NCBP1: variants seen among roughly 807,000 people sequenced by gnomAD.
The protein encoded by NCBP1 is nuclear cap-binding protein subunit 1.
In NCBP1, 16 loss-of-function variants were observed where a neutral mutation model predicts 111.7. The observed-to-expected ratio is 0.14, with a 90% confidence interval of 0.10 to 0.22. The LOEUF is 0.22. NCBP1 is among the 10% of genes least tolerant of loss of function. The pLI is 1.00. For synonymous variants in NCBP1, 304 were observed against 314.3 expected (o/e 0.97, Z 0.35); for missense variants, 607 against 957.5 (o/e 0.63, Z 4.83).
chr9:97,639,811 A>T (rs1827153576), intron 1 of NCBP1, among the ~76,000 whole-genome samples: 1 of 152,192 alleles, frequency 6.6e-6, no homozygotes, highest in Admixed American at 6.6e-5. Context: ...GTGGTAAGAG[A>T]TACAAACAGC....
At position 97,666,788 on chromosome 9, in the gene NCBP1, T is replaced by A; in HGVS notation, c.1927T>A (p.Ser643Thr). 1 of 1,605,230 alleles carries A rather than the reference T, an allele frequency of 6.2e-7. No individual in the cohort carries two copies. Among genetic ancestry groups the A allele is most frequent in the Non-Finnish European group, 8.5e-7 (1 of 1,177,184 alleles). Residue 643 changes from serine (S) to threonine (T), a missense_variant, in exon 20 of 23, where the codon TCT (serine) becomes ACT (threonine). Physicochemically the swap from Ser to Thr is moderately conservative, Grantham distance 58 (BLOSUM62 1). Around this residue, in one of 9 missense-constraint regions of NCBP1, gnomAD observed 282 missense variants for 376.5 expected, o/e 0.75. Transcript: ENST00000375147. ...ATTGTTTGTTTGGGAAATTTTGCACTCTACAATTCGTAAGATGAACAAACA... is the reference window on the plus strand; with the variant it reads ...ATTGTTTGTTTGGGAAATTTTGCACACTACAATTCGTAAGATGAACAAACA... ...TRLFVWEILH[S>T]TIRKMNKHVL...
chr9:97,669,964 C>G (rs1828134207), intron 22 of NCBP1: 6 of 498,504 alleles, frequency 1.2e-5, no homozygotes, highest in South Asian at 1.2e-4. Context: ...ACTCTGTTGC[C>G]CAGGCTGGAG....
At chr9:97,636,746 A>G (rs535123229) in intron 1 of NCBP1, among the ~76,000 whole-genome samples, 23 of 150,784 alleles carry the variant, frequency 1.5e-4, no homozygotes, top group Non-Finnish European at 2.8e-4. Context: ...GCAGTGGACA[A>G]TATAAAGATA....
chr9:97,666,908 AAGAAAATATACC>A, intron 20 of NCBP1, 31 bp downstream of exon 20: 1 of 1,408,822 alleles, frequency 7.1e-7, no homozygotes, highest in Non-Finnish European at 9.8e-7. Context: ...TAAGTAGTTA[AAGAAAATATACC>A]AGAAACTCTG....
chr9:97,633,927 C>A lies in NCBP1; in HGVS notation c.34+12C>A. On this transcript the variant is annotated intron_variant, in intron 1 of 22. Coordinates refer to ENST00000375147, the MANE Select transcript of NCBP1 (RefSeq NM_002486.5). ...CGACGAGAACGACGGTGAGTGCCTG[C>A]GGCCCGGCCACGGAGGCCGCTCCCG... 1 of 1,582,528 alleles carries A rather than the reference C, an allele frequency of 6.3e-7. No individual in the cohort carries two copies. The highest frequency in any genetic ancestry group is 1.8e-5 in the Admixed American group (1 of 57,068).
At chr9:97,636,509 TTATAAATTTATATTTATATATTA>T (rs1446029103) in intron 1 of NCBP1, among the ~76,000 whole-genome samples, 1 of 30,746 alleles carries the variant, frequency 3.3e-5, no homozygotes, top group African/African-American at 6.9e-5. Flanking sequence ...TATTTATATA[TTATAAATTTATATTTATATATTA>T]TATAAGTTTG....
intron 10 of NCBP1, among the ~76,000 whole-genome samples, chr9:97,653,069 G>A (rs563884993): frequency 2.6e-4 from 40 of 151,656 alleles, no homozygotes; most frequent in African/African-American, 9.7e-4. Context: ...AAGTAACAGT[G>A]TGGAATGACT....
chr9:97,645,327 C>A (rs1487753769), intron 5 of NCBP1, 103 bp downstream of exon 5: 2 of 923,816 alleles, frequency 2.2e-6, no homozygotes, highest in Admixed American at 2.3e-5. Context: ...AACCCATTAG[C>A]AATAAAGAAA....
chr9:97,637,433 A>G (rs747376126), intron 1 of NCBP1, among the ~76,000 whole-genome samples: 14 of 152,242 alleles, frequency 9.2e-5, no homozygotes, highest in Non-Finnish European at 1.6e-4. Flanking sequence ...AGCTAGAAAC[A>G]ATACGAATAC....
In NCBP1 at chr9:97,662,234, A is replaced by C. The variant is rs1237452713; in HGVS notation, c.1703+90A>C. Reference sequence around the variant, plus strand: ...GGTAATTTTTACCTAAGATTGTTGAATATGAAGATCTTAATAGTGTATAAT... The same window carrying C: ...GGTAATTTTTACCTAAGATTGTTGACTATGAAGATCTTAATAGTGTATAAT... On this transcript the variant is annotated intron_variant, in intron 17 of 22. Transcript: ENST00000375147. The C allele has an allele frequency of 3.1e-6, 3 of 966,548 alleles. No individual in the cohort carries two copies. In the East Asian group the frequency reaches 7.4e-5, roughly 24 times the overall value. 59.9% of individuals were successfully genotyped at this position (966,548 alleles called of 1,614,324 possible). A position where few individuals can be genotyped will look rare whatever the true frequency, so the allele number is the denominator to read the frequency against.
At chr9:97,670,358 A>C (rs1828152337) in intron 22 of NCBP1, among the ~76,000 whole-genome samples, 1 of 152,234 alleles carries the variant, frequency 6.6e-6, no homozygotes, top group Non-Finnish European at 1.5e-5. Context: ...AACTGTCCAC[A>C]GAATCAAGGT....
chr9:97,645,351 A>G, intron 5 of NCBP1, 127 bp downstream of exon 5: 1 of 790,870 alleles, frequency 1.3e-6, no homozygotes, highest in East Asian at 2.6e-5. Flanking sequence ...ATAACAGCAG[A>G]CTATCACACT....
At chr9:97,661,190 C>T in intron 16 of NCBP1, 122 bp downstream of exon 16, 2 of 1,222,836 alleles carry the variant, frequency 1.6e-6, no homozygotes, top group South Asian at 3.2e-5. Context: ...CCTGTTCAGA[C>T]TGTTGTTCTT....
intron 8 of NCBP1, 31 bp downstream of exon 8, chr9:97,648,254 G>A: frequency 1.3e-6 from 2 of 1,591,972 alleles, no homozygotes; most frequent in Non-Finnish European, 8.6e-7. Flanking sequence ...CCTAGATATT[G>A]ACCTGTGTTG....
Position 97,648,060 on chromosome 9 carries a change from A to G in NCBP1, c.734A>G (p.Gln245Arg), listed in dbSNP as rs547285420. ...QIQKLKKDRW[Q>R]ERHILRPYLA... ...CAGAAATTGAAAAAGGATCGCTGGC[A>G]GGAACGGCACATCCTAAGACCTTAT... The change falls in exon 8 of 23, where the codon CAG becomes CGG. Residue 245 changes from glutamine to arginine, a missense_variant. This residue lies in a region of NCBP1 where 53 missense variants were observed against 144.8 expected (regional missense o/e 0.37). Transcript: ENST00000375147. 1 of 1,614,226 alleles carries G rather than the reference A, an allele frequency of 6.2e-7. No individual in the cohort carries two copies. Among genetic ancestry groups the G allele is most frequent in the African/African-American group, 1.3e-5 (1 of 75,070 alleles).
chr9:97,669,489 A>T (rs1828109623), intron 21 of NCBP1, 104 bp from the exon 22 acceptor site: 1 of 718,814 alleles, frequency 1.4e-6, no homozygotes, highest in Admixed American at 2.4e-5. Context: ...CACCACAAAG[A>T]CAGGGTGGAA....
Position 97,671,588 on chromosome 9 carries a change from A to G in NCBP1, c.*389A>G, listed in dbSNP as rs1828195554. 6.4e-6 allele frequency: 1 copy of G among 156,640 alleles called. No homozygotes were observed. Among genetic ancestry groups the G allele is most frequent in the Non-Finnish European group, 1.4e-5 (1 of 71,268 alleles). 9.7% of individuals were successfully genotyped at this position (156,640 alleles called of 1,614,324 possible). A position where few individuals can be genotyped will look rare whatever the true frequency, so the allele number is the denominator to read the frequency against. On this transcript the variant is annotated 3_prime_UTR_variant, in exon 23 of 23. Coordinates refer to ENST00000375147, the MANE Select transcript of NCBP1 (RefSeq NM_002486.5). Reference sequence around the variant, plus strand: ...TAGCATAACTTTTCACAGCTCGGGGATGAATTAACATGGCTGAAATAAAAC... The same window carrying G: ...TAGCATAACTTTTCACAGCTCGGGGGTGAATTAACATGGCTGAAATAAAAC...
chr9:97,646,839 C>CAAAAA (rs1199961668), intron 6 of NCBP1, among the ~76,000 whole-genome samples: 18 of 55,634 alleles, frequency 3.2e-4, no homozygotes, highest in Non-Finnish European at 5.0e-4. Context: ...GACTCCGTCT[C>CAAAAA]AAAAAAAAAA....
At chr9:97,663,084 T>A (rs755933890) in intron 18 of NCBP1, 37 bp downstream of exon 18, 4 of 1,469,662 alleles carry the variant, frequency 2.7e-6, no homozygotes, top group African/African-American at 2.8e-5. Flanking sequence ...GAAGCTCTGA[T>A]TGTATGGGTA....
Sources: gnomAD v4.1 joint callset for allele counts (sites outside exome capture counted in the v4.1 genomes callset) on GRCh38, gnomAD v4.1.1 for gene constraint, gnomAD v4.1.1 regional missense constraint, MANE v1.5 for transcripts, NCBI Gene and HGNC (gene_info 2026-07-23, HGNC 2026-07-21) for gene names.